Variants in IFRD1 observed in about 807,000 individuals in gnomAD.
IFRD1 encodes interferon-related developmental regulator 1.
IFRD1 carries 35 observed loss-of-function variants against 52.9 expected under a neutral mutation model. That is an observed-to-expected ratio of 0.66 (90% CI 0.51 to 0.88). IFRD1 has a LOEUF of 0.88. Ranked by LOEUF, IFRD1 falls within the 40% of genes least tolerant of loss-of-function variation. IFRD1 has a pLI of 0.00. For missense variants in IFRD1, 517 were observed against 550.8 expected, an observed-to-expected ratio of 0.94 and a Z score of 0.61; for synonymous variants, 184 against 188.4, an observed-to-expected ratio of 0.98 and a Z score of 0.19.
chr7:112,463,802 A>G (rs528840343), intron 8 of IFRD1, among the ~76,000 whole-genome samples: 91 of 151,492 alleles, frequency 6.0e-4, no homozygotes, highest in Non-Finnish European at 1.2e-3. Context: ...AAACATATAT[A>G]TAGACACATA....
At chr7:112,442,167 A>G (rs1206616364) in intron 1 of IFRD1, among the ~76,000 whole-genome samples, 3 of 152,136 alleles carry the variant, frequency 2.0e-5, no homozygotes. Context: ...ATGGCCTCCA[A>G]TAAGATTTTT....
chr7:112,462,431 C>T, intron 8 of IFRD1, 53 bp downstream of exon 8: 2 of 1,206,498 alleles, frequency 1.7e-6, no homozygotes, highest in Non-Finnish European at 2.5e-6. Context: ...CCCATTGTTC[C>T]ATCATTACCT....
At chr7:112,472,184 G>C (rs760868779) in intron 9 of IFRD1, 35 bp from the exon 10 acceptor site, 1 of 1,612,314 alleles carries the variant, frequency 6.2e-7, no homozygotes, top group Admixed American at 1.7e-5. Context: ...AGCCATTTTA[G>C]TGCCTGTGGT....
chr7:112,443,173 G>T (rs181276954), intron 1 of IFRD1, among the ~76,000 whole-genome samples: 1 of 152,156 alleles, frequency 6.6e-6, no homozygotes, highest in Non-Finnish European at 1.5e-5. Flanking sequence ...GTTGTCAGTC[G>T]TTTCCCAGGT....
At chr7:112,445,829 A>C (rs2396540), upstream of IFRD1, among the ~76,000 whole-genome samples, 1 of 152,074 alleles carries the variant, frequency 6.6e-6, no homozygotes, top group African/African-American at 2.4e-5. Context: ...TTTGCCCACA[A>C]GTAGCATGTA....
In IFRD1 at chr7:112,450,890, C is replaced by A. The variant is rs1563263859; in HGVS notation, c.94+108C>A. On this transcript the variant is annotated intron_variant, in intron 1 of 11. Transcript: ENST00000403825. ...GTTCTTTCTCTGATGTACACATTTG[C>A]ATTTCCAGGGTGCGTGGTTTGGCTA... 44 of 796,268 alleles carry A rather than the reference C, an allele frequency of 5.5e-5. No homozygotes were observed. In the South Asian group the frequency reaches 6.0e-4, roughly 11 times the overall value. The allele number at this position is 796,268 out of a possible 1,614,324, so 49.3% of individuals were successfully genotyped here.
At chr7:112,455,933 C>T in intron 2 of IFRD1, 66 bp downstream of exon 2, 1 of 1,432,504 alleles carries the variant, frequency 7.0e-7, no homozygotes, top group South Asian at 1.1e-5. Flanking sequence ...ATTCTTGTAG[C>T]TAAAGTATAC....
chr7:112,455,617 T>C, intron 1 of IFRD1, 146 bp from the exon 2 acceptor site: 1 of 678,166 alleles, frequency 1.5e-6, no homozygotes, highest in Admixed American at 2.2e-5. Flanking sequence ...TTTAAGTATG[T>C]TCACTTGTGA....
chr7:112,454,732 CATTGGAAAATAT>C (rs2117289175), intron 1 of IFRD1, among the ~76,000 whole-genome samples: 1 of 151,892 alleles, frequency 6.6e-6, no homozygotes, highest in South Asian at 2.1e-4. Flanking sequence ...CAGCCATTCT[CATTGGAAAATAT>C]ATTTGTCTTA....
Position 112,455,752 on chromosome 7 carries a change from T to C in IFRD1, c.95-11T>C, listed in dbSNP as rs1429473024. 6.4e-7 allele frequency: 1 copy of C among 1,571,986 alleles called. No homozygotes were observed. The highest frequency in any genetic ancestry group is 1.3e-5 in the African/African-American group (1 of 74,086). On this transcript the variant is annotated splice_polypyrimidine_tract_variant and intron_variant, in intron 1 of 11. Transcript: ENST00000403825. ...TAAAATAATTTACCTCTTTCCTCTT[T>C]TACCTAATAGGTGGCCAGCATCGAA...
intron 8 of IFRD1, among the ~76,000 whole-genome samples, chr7:112,463,842 A>ATT (rs1795529899): frequency 7.4e-6 from 1 of 134,792 alleles, no homozygotes; most frequent in Admixed American, 8.1e-5. Flanking sequence ...ACATATATAT[A>ATT]CACATTTATA....
At chr7:112,454,857 GT>G (rs398005875) in intron 1 of IFRD1, among the ~76,000 whole-genome samples, 347 of 78,788 alleles carry the variant, frequency 4.4e-3, no homozygotes, top group African/African-American at 9.6e-3. Flanking sequence ...CTTCATATCA[GT>G]TTTTTTTTTT....
intron 11 of IFRD1, among the ~76,000 whole-genome samples, chr7:112,473,365 G>A (rs191445044): frequency 8.0e-4 from 121 of 151,542 alleles, no homozygotes; most frequent in African/African-American, 2.2e-3. Flanking sequence ...TACCAGACTC[G>A]TTTTACAAAT....
At chr7:112,459,426 A>T (rs1288463015) in intron 5 of IFRD1, among the ~76,000 whole-genome samples, 1 of 152,108 alleles carries the variant, frequency 6.6e-6, no homozygotes, top group East Asian at 1.9e-4. Context: ...TAAGTGATAC[A>T]AGTGATCATA....
intron 11 of IFRD1, among the ~76,000 whole-genome samples, chr7:112,473,715 A>G (rs951642147): frequency 1.3e-5 from 2 of 152,156 alleles, no homozygotes; most frequent in Admixed American, 6.5e-5. Context: ...ATGAGCCACC[A>G]TGACCAGCCT....
intron 1 of IFRD1, among the ~76,000 whole-genome samples, chr7:112,436,182 G>A (rs1584468870): frequency 6.6e-6 from 1 of 152,174 alleles, no homozygotes; most frequent in East Asian, 1.9e-4. Context: ...GTGCCAGTCC[G>A]AATATTTTTC....
Position 112,475,625 on chromosome 7 carries a change from T to G in IFRD1, c.*106T>G. On this transcript the variant is annotated 3_prime_UTR_variant, in exon 12 of 12. Coordinates refer to ENST00000403825, the MANE Select transcript of IFRD1 (RefSeq NM_001550.4). ...ATCCTGGATTAACTTAGATAACTTTTGTAGCAGTGGTTATATTGCTTATAA... is the reference window on the plus strand; with the variant it reads ...ATCCTGGATTAACTTAGATAACTTTGGTAGCAGTGGTTATATTGCTTATAA... 1.4e-6 allele frequency: 1 copy of G among 722,422 alleles called. No individual in the cohort carries two copies. Among genetic ancestry groups the G allele is most frequent in the Non-Finnish European group, 2.4e-6 (1 of 415,630 alleles). 44.8% of individuals were successfully genotyped at this position (722,422 alleles called of 1,614,324 possible). A position where few individuals can be genotyped will look rare whatever the true frequency, so the allele number is the denominator to read the frequency against.
rs536007710 is a variant in IFRD1 at position 112,437,518 on chromosome 7, T to C, written c.-181-12990T>C. Among the ~76,000 whole-genome samples, 46 of 152,178 alleles carry C rather than the reference T, an allele frequency of 3.0e-4. 1 individual carries two copies. In the South Asian group the frequency reaches 9.3e-3, roughly 31 times the overall value. ...CAAGAAGTACTACTGATTAGTGCTA[T>C]TTTATAGAAGAGGAAACTGAGGAAC... On this transcript the variant is annotated intron_variant, in intron 1 of 12. Coordinates refer to the IFRD1 transcript ENST00000005558.
At chr7:112,448,139 A>AAG (rs1554505357), upstream of IFRD1, among the ~76,000 whole-genome samples, 14 of 151,500 alleles carry the variant, frequency 9.2e-5, no homozygotes, top group African/African-American at 1.5e-4. Flanking sequence ...AAAAAAAAAA[A>AAG]AAAGAAAGAA....
Sources: allele counts gnomAD v4.1 joint callset (sites outside exome capture counted in the v4.1 genomes callset), GRCh38; gene constraint gnomAD v4.1.1; transcripts MANE v1.5; gene names NCBI Gene and HGNC (gene_info 2026-07-23, HGNC 2026-07-21).